Variants in COL27A1 observed in about 807,000 individuals in gnomAD.
The protein encoded by COL27A1 is collagen alpha-1(XXVII) chain.
In COL27A1, 106 loss-of-function variants were observed where a neutral mutation model predicts 251.3. The observed-to-expected ratio is 0.42, with a 90% CI of 0.36 to 0.50. The LOEUF is 0.50. COL27A1 is among the 20% of genes least tolerant of loss of function. The probability of loss-of-function intolerance (pLI) is 0.00; values close to 1 mark genes in which losing one functional copy is unlikely to be tolerated. For missense variants in COL27A1, 2,325 were observed against 2,522.8 expected (o/e 0.92, Z 1.68); for synonymous variants, 1,000 against 986.3 (o/e 1.01, Z -0.26).
intron 24 of COL27A1, among the ~76,000 whole-genome samples, chr9:114,247,453 A>G (rs1833222789): frequency 6.6e-6 from 1 of 152,324 alleles, no homozygotes; most frequent in East Asian, 1.9e-4. Context: ...TCTGAGTTCC[A>G]TTCATAGAGA....
intron 2 of COL27A1, among the ~76,000 whole-genome samples, chr9:114,163,953 G>A (rs140224892): frequency 1.1e-3 from 172 of 152,200 alleles, no homozygotes; most frequent in African/African-American, 2.7e-3. Flanking sequence ...CTATCTTGGC[G>A]TTGGGCTGAA....
chr9:114,288,488 C>T lies in COL27A1; in HGVS notation c.4021C>T (p.Pro1341Ser). ...EQGEDGKAEGPPGPPGDRGPV... is the reference protein window; with the variant it reads ...EQGEDGKAEGSPGPPGDRGPV... The stretch of plus-strand genomic sequence containing the variant: ...GGGCGAGGACGGCAAGGCTGAGGGG[C>T]CCCCTGGGCCACCTGGAGATCGGGT... The change falls in exon 42 of 61, where the codon CCC (proline) becomes TCC (serine). Residue 1341 changes from proline (P) to serine (S), a missense_variant. This residue lies in a region of COL27A1 where 662 missense variants were observed against 795.3 expected (regional missense o/e 0.83). Coordinates refer to ENST00000356083, the MANE Select transcript of COL27A1 (RefSeq NM_032888.4). 1 of 1,608,362 alleles carries T rather than the reference C, an allele frequency of 6.2e-7. No individual in the cohort carries two copies. The highest frequency in any genetic ancestry group is 8.5e-7 in the Non-Finnish European group (1 of 1,178,260).
chr9:114,210,342 A>G (rs1391871277), intron 11 of COL27A1, among the ~76,000 whole-genome samples: 1 of 152,188 alleles, frequency 6.6e-6, no homozygotes, highest in Admixed American at 6.5e-5. Context: ...TCCAGAAACC[A>G]TCTGCTGATT....
chr9:114,219,256 A>G (rs1588686977), intron 12 of COL27A1, among the ~76,000 whole-genome samples: 2 of 152,242 alleles, frequency 1.3e-5, no homozygotes, highest in East Asian at 3.9e-4. Flanking sequence ...GGCTGTGCTC[A>G]TGTTCACTGG....
At position 114,291,195 on chromosome 9, in the gene COL27A1, G is replaced by T. The variant is rs74671840; in HGVS notation, c.4476+278G>T. On this transcript the variant is annotated intron_variant, in intron 48 of 60. Coordinates refer to ENST00000356083, the MANE Select transcript of COL27A1 (RefSeq NM_032888.4). ...CACGGGCGCCCTCTCGTGGACATTTGTGGAACAACACGTTGCTTGCAGCCG... is the reference window on the plus strand; with the variant it reads ...CACGGGCGCCCTCTCGTGGACATTTTTGGAACAACACGTTGCTTGCAGCCG... Among the ~76,000 whole-genome samples the T allele has an allele frequency of 9.3e-4, 142 of 152,266 alleles. 2 individuals carry two copies. In the East Asian group the frequency reaches 0.025, roughly 27 times the overall value.
chr9:114,238,423 T>C (rs1028186987), intron 19 of COL27A1, among the ~76,000 whole-genome samples: 1 of 152,156 alleles, frequency 6.6e-6, no homozygotes, highest in African/African-American at 2.4e-5. Context: ...CTCAGGATCA[T>C]TGGCACCCAG....
At chr9:114,166,444 T>TATCC (rs112047520) in intron 2 of COL27A1, among the ~76,000 whole-genome samples, 30,188 of 140,722 alleles carry the variant, frequency 0.21, 3,421 homozygotes, top group South Asian at 0.31. Flanking sequence ...TCCATTCATC[T>TATCC]ATCCATCCAT....
intron 37 of COL27A1, among the ~76,000 whole-genome samples, chr9:114,276,604 C>CA (rs1177984234): frequency 6.6e-6 from 1 of 152,100 alleles, no homozygotes; most frequent in Non-Finnish European, 1.5e-5. Context: ...GACTTTGTCA[C>CA]AAAAAAACAA....
At position 114,286,707 on chromosome 9, in the gene COL27A1, G is replaced by A. The variant is rs184988806; in HGVS notation, c.3988-1748G>A. Among the ~76,000 whole-genome samples, 313 of 152,144 alleles carry A rather than the reference G, an allele frequency of 2.1e-3. 1 individual carries two copies. The highest frequency in any genetic ancestry group is 6.8e-3 in the Middle Eastern group (2 of 294). ...GTATACATATGTAACAAACCTGCAC[G>A]TTGTGCACATGTACCCTAAAACTTA... On this transcript the variant is annotated intron_variant, in intron 41 of 60. Coordinates refer to ENST00000356083, the MANE Select transcript of COL27A1 (RefSeq NM_032888.4).
At chr9:114,156,354 G>T (rs2134979870) in intron 1 of COL27A1, among the ~76,000 whole-genome samples, 1 of 151,814 alleles carries the variant, frequency 6.6e-6, no homozygotes, top group East Asian at 2.0e-4. Flanking sequence ...GGGAGGAGGG[G>T]GGTCTCCGTT....
Position 114,284,523 on chromosome 9 carries a change from C to A in COL27A1, c.3934-201C>A, listed in dbSNP as rs1409048353. On this transcript the variant is annotated intron_variant, in intron 40 of 60. Transcript: ENST00000356083. ...CCCCCAACCATCCCAGCTGGAACAC[C>A]CCTTTGGGGTGTGTCTGGGACCAGC... Among the ~76,000 whole-genome samples the A allele has an allele frequency of 5.9e-5, 9 of 152,330 alleles. No individual in the cohort carries two copies. The East Asian group carries it at 1.7e-3, about 29-fold the overall frequency.
chr9:114,300,261 C>A, intron 50 of COL27A1, 138 bp downstream of exon 50: 1 of 808,082 alleles, frequency 1.2e-6, no homozygotes. Flanking sequence ...TGAACACCCT[C>A]ATCCCCCAGT....
At chr9:114,210,843 C>T in intron 11 of COL27A1, 139 bp from the exon 12 acceptor site, 1 of 767,332 alleles carries the variant, frequency 1.3e-6, no homozygotes, top group Non-Finnish European at 2.2e-6. Flanking sequence ...GTGCATGTCA[C>T]TGGGGCCGCC....
At chr9:114,204,743 C>A (rs1239536294) in intron 7 of COL27A1, among the ~76,000 whole-genome samples, 1 of 152,136 alleles carries the variant, frequency 6.6e-6, no homozygotes, top group African/African-American at 2.4e-5. Context: ...ATTGACAAAT[C>A]CTAGCCCTGA....
chr9:114,195,458 C>T (rs1313135885), intron 6 of COL27A1, among the ~76,000 whole-genome samples: 3 of 152,182 alleles, frequency 2.0e-5, no homozygotes, highest in Admixed American at 6.5e-5. Flanking sequence ...GGAGGTCATG[C>T]AGCTGATAAG....
chr9:114,287,926 G>A (rs558149436), intron 41 of COL27A1, among the ~76,000 whole-genome samples: 8 of 152,184 alleles, frequency 5.3e-5, no homozygotes, highest in East Asian at 1.9e-4. Context: ...ACTGCACTGC[G>A]GATGTCATGA....
At chr9:114,264,816 CTG>C in intron 29 of COL27A1, 106 bp from the exon 30 acceptor site, 1 of 1,190,938 alleles carries the variant, frequency 8.4e-7, no homozygotes. Context: ...GGGGCAGACT[CTG>C]TGGCCTCAAA....
chr9:114,287,912 C>T (rs1037697849), intron 41 of COL27A1, among the ~76,000 whole-genome samples: 7 of 152,246 alleles, frequency 4.6e-5, no homozygotes, highest in African/African-American at 1.7e-4. Context: ...ATCTGCTTCA[C>T]AGCACTGCAC....
chr9:114,204,259 C>T (rs1265426164), intron 7 of COL27A1, among the ~76,000 whole-genome samples: 2 of 152,164 alleles, frequency 1.3e-5, no homozygotes, highest in African/African-American at 4.8e-5. Context: ...CCCAGAGCTC[C>T]CTGCGTAAGA....
Sources: allele counts gnomAD v4.1 joint callset (sites outside exome capture counted in the v4.1 genomes callset), GRCh38; gene constraint gnomAD v4.1.1; regional missense constraint gnomAD v4.1.1; transcripts MANE v1.5; gene names NCBI Gene and HGNC (gene_info 2026-07-23, HGNC 2026-07-21).